FNDC3A: variants seen among roughly 807,000 people sequenced by gnomAD.
The protein encoded by FNDC3A is fibronectin type III domain containing 3A.
Under a neutral mutation model 148.9 loss-of-function variants are expected in FNDC3A, and 32 were observed. The observed-to-expected ratio is 0.21, with a 90% CI of 0.16 to 0.29. The LOEUF (loss-of-function observed/expected upper bound fraction) is 0.29. Among genes scored for constraint, FNDC3A ranks in the 10% least tolerant of loss-of-function variants. FNDC3A has a pLI of 1.00. For synonymous variants in FNDC3A, 472 were observed against 473.6 expected (o/e 1.00, Z 0.04); for missense variants, 1,191 against 1,452.8 (o/e 0.82, Z 2.93).
Position 49,207,564 on chromosome 13 carries a change from T to C in FNDC3A, c.*169T>C. 2.3e-6 allele frequency: 1 copy of C among 438,100 alleles called. No homozygotes were observed. Among genetic ancestry groups the C allele is most frequent in the East Asian group, 3.5e-5 (1 of 28,766 alleles). 27.1% of individuals were successfully genotyped at this position (438,100 alleles called of 1,614,324 possible). A position where few individuals can be genotyped will look rare whatever the true frequency, so the allele number is the denominator to read the frequency against. On this transcript the variant is annotated 3_prime_UTR_variant, in exon 26 of 26. Transcript: ENST00000492622. ...TATTGTTAGGTAGAGGCTGGCACTT[T>C]ATTAGAATGCAAGCCACAAAAATAT... is the stretch of plus-strand genomic sequence containing the variant.
intron 4 of FNDC3A, among the ~76,000 whole-genome samples, 174 bp from the exon 5 acceptor site, chr13:49,130,963 G>A (rs182774694): frequency 3.9e-5 from 6 of 152,004 alleles, no homozygotes; most frequent in African/African-American, 9.6e-5. Flanking sequence ...ACAGGGTTTC[G>A]CCATGTTGTC....
At chr13:49,196,725 AGT>A (rs1886173612) in intron 19 of FNDC3A, 150 bp from the exon 20 acceptor site, 3 of 458,922 alleles carry the variant, frequency 6.5e-6, no homozygotes, top group Non-Finnish European at 1.2e-5. Flanking sequence ...AAGTCTTTTT[AGT>A]TAATGTGAAT....
chr13:49,020,969 C>T (rs749579548), intron 2 of FNDC3A, among the ~76,000 whole-genome samples: 2 of 151,990 alleles, frequency 1.3e-5, no homozygotes, highest in Admixed American at 6.6e-5. Flanking sequence ...AGATCTGATT[C>T]GAACCAGAGA....
At chr13:49,095,652 G>A (rs1202672304) in intron 3 of FNDC3A, among the ~76,000 whole-genome samples, 1 of 151,968 alleles carries the variant, frequency 6.6e-6, no homozygotes, top group African/African-American at 2.4e-5. Context: ...GGATATCCTG[G>A]TGAGAAGGAC....
intron 7 of FNDC3A, among the ~76,000 whole-genome samples, chr13:49,139,040 C>CT (rs1188118543): frequency 6.6e-6 from 1 of 152,084 alleles, no homozygotes; most frequent in Non-Finnish European, 1.5e-5. Context: ...TTATTGATCC[C>CT]TTACTATATG....
chr13:49,010,128 G>A (rs1952306802), intron 2 of FNDC3A, among the ~76,000 whole-genome samples: 1 of 152,186 alleles, frequency 6.6e-6, no homozygotes, highest in Non-Finnish European at 1.5e-5. Flanking sequence ...GAAGGCATGA[G>A]GAGAAAGCCT....
chr13:49,163,177 G>T (rs1466896132), intron 8 of FNDC3A, among the ~76,000 whole-genome samples: 3 of 152,304 alleles, frequency 2.0e-5, no homozygotes, highest in African/African-American at 7.2e-5. Context: ...TGTCAGACAG[G>T]AACGTTGAAG....
intron 14 of FNDC3A, among the ~76,000 whole-genome samples, chr13:49,184,322 G>A (rs1472751511): frequency 1.3e-5 from 2 of 152,144 alleles, no homozygotes; most frequent in African/African-American, 2.4e-5. Context: ...CTCTGGCTTC[G>A]GTGTAGAAAG....
intron 3 of FNDC3A, among the ~76,000 whole-genome samples, chr13:49,107,241 TGTTATATAGAGTTATGTTAGAAAGTAGA>T (rs1880254935): frequency 6.6e-6 from 1 of 152,192 alleles, no homozygotes; most frequent in Non-Finnish European, 1.5e-5. Flanking sequence ...ATAGAGTTAA[TGTTATATAGAGTTATGTTAGAAAGTAGA>T]GTTATATAGA....
chr13:49,051,870 T>A (rs1282607180), intron 2 of FNDC3A, among the ~76,000 whole-genome samples: 1 of 152,174 alleles, frequency 6.6e-6, no homozygotes, highest in African/African-American at 2.4e-5. Flanking sequence ...TTCATATTTT[T>A]AAATTCTTTT....
intron 2 of FNDC3A, among the ~76,000 whole-genome samples, chr13:49,061,852 C>G (rs1876919808): frequency 8.1e-6 from 1 of 123,772 alleles, no homozygotes; most frequent in African/African-American, 3.2e-5. Flanking sequence ...AACTCTTGGC[C>G]TCAAGTGATC....
intron 2 of FNDC3A, among the ~76,000 whole-genome samples, chr13:49,052,208 A>C (rs1875891254): frequency 6.6e-6 from 1 of 152,150 alleles, no homozygotes; most frequent in South Asian, 2.1e-4. Context: ...CTTGGTTTGC[A>C]TCCATTGCTG....
intron 8 of FNDC3A, 64 bp downstream of exon 8, chr13:49,145,999 T>A: frequency 7.9e-7 from 1 of 1,264,614 alleles, no homozygotes; most frequent in Non-Finnish European, 1.1e-6. Flanking sequence ...AAAGAGCTTA[T>A]TACTAATTTT....
chr13:49,075,574 ATATAT>A (rs1264356129), intron 3 of FNDC3A, among the ~76,000 whole-genome samples: 1 of 151,992 alleles, frequency 6.6e-6, no homozygotes, highest in Non-Finnish European at 1.5e-5. Flanking sequence ...ATTATTCTTG[ATATAT>A]TATATTGTTC....
Position 49,114,421 on chromosome 13 carries a change from CA to C in FNDC3A, c.176-233del, listed in dbSNP as rs1566258279. Among the ~76,000 whole-genome samples the C allele has an allele frequency of 1.5e-3, 232 of 150,650 alleles. 1 individual carries two copies. Among genetic ancestry groups the C allele is most frequent in the African/African-American group, 5.5e-3 (225 of 40,860 alleles). On this transcript the variant is annotated intron_variant, in intron 3 of 25. Coordinates refer to ENST00000492622, the MANE Select transcript of FNDC3A (RefSeq NM_001079673.2). ...AAAGCCCTCCAACCTCCCCGCCCCCCACCACCCCTACCCCAGCAACTTTAAA... is the reference window on the plus strand; with the variant it reads ...AAAGCCCTCCAACCTCCCCGCCCCCCCCACCCCTACCCCAGCAACTTTAAA...
At chr13:49,098,597 C>T (rs1417903202) in intron 3 of FNDC3A, among the ~76,000 whole-genome samples, 1 of 152,132 alleles carries the variant, frequency 6.6e-6, no homozygotes, top group Non-Finnish European at 1.5e-5. Flanking sequence ...GCTTGGTAAA[C>T]ACATCTCCTT....
intron 2 of FNDC3A, among the ~76,000 whole-genome samples, chr13:49,016,653 G>A (rs1872807091): frequency 6.6e-6 from 1 of 151,820 alleles, no homozygotes; most frequent in Admixed American, 6.6e-5. Flanking sequence ...GCTTTTGAAT[G>A]TGTTTGCTCT....
At chr13:49,004,495 T>A (rs1302872262) in intron 1 of FNDC3A, among the ~76,000 whole-genome samples, 1 of 152,016 alleles carries the variant, frequency 6.6e-6, no homozygotes, top group Non-Finnish European at 1.5e-5. Flanking sequence ...AGTGGAATGG[T>A]AATATTGAAA....
chr13:49,150,814 G>A (rs1194455158), intron 8 of FNDC3A, among the ~76,000 whole-genome samples: 1 of 151,690 alleles, frequency 6.6e-6, no homozygotes, highest in Non-Finnish European at 1.5e-5. Flanking sequence ...GTGTGGTGGT[G>A]CACGCCTGTA....
Sources: gnomAD v4.1 joint callset for allele counts (sites outside exome capture counted in the v4.1 genomes callset) on GRCh38, gnomAD v4.1.1 for gene constraint, MANE v1.5 for transcripts, NCBI Gene and HGNC (gene_info 2026-07-23, HGNC 2026-07-21) for gene names.